IPO11: variants seen among roughly 807,000 people sequenced by gnomAD.
IPO11 encodes the protein importin 11.
IPO11 carries 66 observed loss-of-function variants against 143.2 expected under a neutral mutation model. That is an observed-to-expected ratio of 0.46 (90% CI 0.38 to 0.57). IPO11 has a LOEUF of 0.57. Ranked by LOEUF, IPO11 falls within the 20% of genes least tolerant of loss-of-function variation. IPO11 has a pLI of 0.00. For missense variants in IPO11, 1,026 were observed against 1,141.0 expected, an observed-to-expected ratio of 0.90 and a Z score of 1.45; for synonymous variants, 385 against 377.8, an observed-to-expected ratio of 1.02 and a Z score of -0.22.
chr5:62,494,104 C>T lies in IPO11; in HGVS notation c.1570C>T (p.Leu524Phe), dbSNP rs370564134. The T allele has an allele frequency of 9.3e-6, 15 of 1,610,870 alleles. No homozygotes were observed. Among genetic ancestry groups the T allele is most frequent in the Non-Finnish European group, 1.1e-5 (13 of 1,178,658 alleles). ...GCTTTATGAAGCAATCTGTAACTTG[C>T]TTCAAGATCAAGATTTAGTGGTATG... ...PMLYEAICNL[L>F]QDQDLVVRIE... Residue 524 changes from leucine to phenylalanine, a missense_variant, in exon 16 of 30, where the codon CTT becomes TTT. Physicochemically the swap from Leu to Phe is conservative, Grantham distance 22. This residue lies in a region of IPO11 where 237 missense variants were observed against 288.0 expected (regional missense o/e 0.82). Coordinates refer to ENST00000325324, the MANE Select transcript of IPO11 (RefSeq NM_016338.5).
At chr5:62,457,990 T>A (rs1368895143) in intron 5 of IPO11, among the ~76,000 whole-genome samples, 1 of 151,618 alleles carries the variant, frequency 6.6e-6, no homozygotes, top group Non-Finnish European at 1.5e-5. Flanking sequence ...CTACTAAAAA[T>A]ACAAAAATTA....
At chr5:62,617,954 G>A (rs1746202946) in intron 29 of IPO11, among the ~76,000 whole-genome samples, 1 of 152,058 alleles carries the variant, frequency 6.6e-6, no homozygotes, top group South Asian at 2.1e-4. Flanking sequence ...CCTATGTTTA[G>A]TTGAGCTTAA....
chr5:62,467,039 G>C (rs1421818029), intron 5 of IPO11, 92 bp from the exon 6 acceptor site: 3 of 1,172,460 alleles, frequency 2.6e-6, no homozygotes, highest in Middle Eastern at 2.1e-4. Context: ...TGTGTGCTTA[G>C]TTGTAAAACT....
intron 2 of IPO11, among the ~76,000 whole-genome samples, chr5:62,440,138 A>AAGGTGG (rs1263540306): frequency 3.9e-5 from 6 of 152,310 alleles, no homozygotes; most frequent in African/African-American, 1.4e-4. Flanking sequence ...TGTAGTATAG[A>AAGGTGG]AGGTGGACAT....
intron 8 of IPO11, among the ~76,000 whole-genome samples, chr5:62,474,916 G>A (rs1243754657): frequency 6.6e-6 from 1 of 152,202 alleles, no homozygotes; most frequent in African/African-American, 2.4e-5. Flanking sequence ...GTCTGGGGCA[G>A]GACGGAGTGG....
At chr5:62,569,727 G>C (rs1744072757) in intron 27 of IPO11, among the ~76,000 whole-genome samples, 1 of 152,192 alleles carries the variant, frequency 6.6e-6, no homozygotes, top group African/African-American at 2.4e-5. Context: ...GAGGAAAATA[G>C]AGACATGAAT....
intron 5 of IPO11, among the ~76,000 whole-genome samples, chr5:62,457,792 G>A (rs1211528313): frequency 6.6e-6 from 1 of 152,138 alleles, no homozygotes; most frequent in African/African-American, 2.4e-5. Flanking sequence ...GAATGCCAAG[G>A]CGCCACTTCC....
chr5:62,501,746 T>G (rs1229375674), intron 16 of IPO11, among the ~76,000 whole-genome samples: 9 of 152,214 alleles, frequency 5.9e-5, no homozygotes, highest in African/African-American at 2.2e-4. Context: ...TAGAAAATGC[T>G]TATTGAAAGA....
At chr5:62,618,300 A>G (rs1431106284) in intron 29 of IPO11, among the ~76,000 whole-genome samples, 1 of 152,174 alleles carries the variant, frequency 6.6e-6, no homozygotes, top group Non-Finnish European at 1.5e-5. Flanking sequence ...ACACATAAAA[A>G]CATGGGAGCA....
At chr5:62,535,228 G>T (rs888033927) in intron 22 of IPO11, among the ~76,000 whole-genome samples, 4 of 150,500 alleles carry the variant, frequency 2.7e-5, no homozygotes, top group South Asian at 2.1e-4. Flanking sequence ...TTAAATGTTG[G>T]TTTTTTTTTA....
chr5:62,489,795 A>G (rs1746537063), intron 14 of IPO11, among the ~76,000 whole-genome samples: 1 of 152,194 alleles, frequency 6.6e-6, no homozygotes, highest in African/African-American at 2.4e-5. Flanking sequence ...GAGGCTGGAG[A>G]GAGTTAAGTA....
At chr5:62,592,601 C>G (rs1745066138) in intron 28 of IPO11, among the ~76,000 whole-genome samples, 1 of 152,106 alleles carries the variant, frequency 6.6e-6, no homozygotes, top group African/African-American at 2.4e-5. Flanking sequence ...CTATAAAGAA[C>G]TGCCTGAGAC....
chr5:62,598,286 C>T, intron 28 of IPO11, among the ~76,000 whole-genome samples: 1 of 151,690 alleles, frequency 6.6e-6, no homozygotes, highest in South Asian at 2.1e-4. Flanking sequence ...ATTCAGGGTT[C>T]AATTAGGAAA....
At chr5:62,589,710 A>G (rs1316484135) in intron 27 of IPO11, among the ~76,000 whole-genome samples, 2 of 152,080 alleles carry the variant, frequency 1.3e-5, no homozygotes, top group African/African-American at 4.8e-5. Flanking sequence ...AGGGCCCCCT[A>G]GAGGAGAAGT....
intron 13 of IPO11, among the ~76,000 whole-genome samples, chr5:62,488,152 TAGTG>T (rs56718709): frequency 0.032 from 4,882 of 152,218 alleles, 249 homozygotes; most frequent in African/African-American, 0.11. Context: ...TTGTGAGAAA[TAGTG>T]AGAAAAGGTT....
At chr5:62,562,557 A>C (rs909127632) in intron 27 of IPO11, among the ~76,000 whole-genome samples, 2 of 152,182 alleles carry the variant, frequency 1.3e-5, no homozygotes, top group Non-Finnish European at 2.9e-5. Context: ...ATCAGACAGG[A>C]GGCGGAGCTC....
intron 16 of IPO11, among the ~76,000 whole-genome samples, chr5:62,495,382 A>AAGAT (rs1156915977): frequency 1.3e-5 from 2 of 152,310 alleles, no homozygotes; most frequent in Non-Finnish European, 2.9e-5. Context: ...TGTCAAAGAG[A>AAGAT]AGATATTAAA....
chr5:62,464,494 G>A (rs1745501332), intron 5 of IPO11, among the ~76,000 whole-genome samples: 1 of 151,780 alleles, frequency 6.6e-6, no homozygotes, highest in African/African-American at 2.4e-5. Flanking sequence ...TTTTGAGGCA[G>A]GGTCTCACTT....
intron 29 of IPO11, among the ~76,000 whole-genome samples, chr5:62,622,482 G>T (rs1386842227): frequency 6.6e-6 from 1 of 152,166 alleles, no homozygotes; most frequent in Non-Finnish European, 1.5e-5. Flanking sequence ...CTTGTGATTG[G>T]AGTTTAGTAA....
Sources: allele counts gnomAD v4.1 joint callset (sites outside exome capture counted in the v4.1 genomes callset), GRCh38; gene constraint gnomAD v4.1.1; regional missense constraint gnomAD v4.1.1; transcripts MANE v1.5; gene names NCBI Gene and HGNC (gene_info 2026-07-23, HGNC 2026-07-21).